Variants in KAZN observed in about 807,000 individuals in gnomAD.
KAZN encodes kazrin, periplakin interacting protein.
In KAZN, 40 loss-of-function variants were observed where a neutral mutation model predicts 87.4. That is an observed-to-expected ratio of 0.46 (90% CI 0.36 to 0.60). The LOEUF (loss-of-function observed/expected upper bound fraction) is 0.60. Among genes scored for constraint, KAZN ranks in the 20% least tolerant of loss-of-function variants. The probability of loss-of-function intolerance (pLI) is 0.00; values close to 1 mark genes in which losing one functional copy is unlikely to be tolerated. For missense variants in KAZN, 898 were observed against 1,073.9 expected (o/e 0.84, Z 2.29); for synonymous variants, 466 against 458.3 (o/e 1.02, Z -0.22).
intron 2 of KAZN, among the ~76,000 whole-genome samples, chr1:14,452,748 T>C (rs966114145): frequency 2.6e-5 from 4 of 152,136 alleles, no homozygotes; most frequent in Admixed American, 2.6e-4. Flanking sequence ...TGACCGCATT[T>C]TATGAGGAAA....
chr1:13,960,753 T>A (rs1412787608), intron 1 of KAZN, among the ~76,000 whole-genome samples: 1 of 152,164 alleles, frequency 6.6e-6, no homozygotes, highest in Non-Finnish European at 1.5e-5. Context: ...CAGGGCTTGG[T>A]CAGTGGCTGG....
intron 1 of KAZN, among the ~76,000 whole-genome samples, chr1:14,141,858 T>G (rs561743667): frequency 6.6e-6 from 1 of 152,322 alleles, no homozygotes; most frequent in Non-Finnish European, 1.5e-5. Context: ...TACTGCATGT[T>G]CCAATGTCTC....
rs775828163 is a variant in KAZN at position 14,769,707 on chromosome 1, C to T, written c.226+170484C>T. On this transcript the variant is annotated intron_variant, in intron 1 of 14. Transcript: ENST00000376030. The surrounding 1 kb of genome is among the most constrained non-coding windows in gnomAD (Gnocchi z 4.1). ...CTCTTGATTAGTGTCTAAGTGATTG[C>T]GGGAAATTAACACTGGTCCTTCATT... 4.6e-5 allele frequency among the ~76,000 whole-genome samples: 7 copies of T among 152,174 alleles called. No homozygotes were observed. The highest frequency in any genetic ancestry group is 7.3e-5 in the Non-Finnish European group (5 of 68,048).
intron 2 of KAZN, among the ~76,000 whole-genome samples, chr1:14,415,559 C>T (rs1390948028): frequency 2.6e-5 from 4 of 152,176 alleles, no homozygotes; most frequent in Non-Finnish European, 4.4e-5. Flanking sequence ...GTGCTGCCCC[C>T]AGGTGGTAGA....
chr1:14,461,579 T>C (rs1667854000), intron 2 of KAZN, among the ~76,000 whole-genome samples: 2 of 152,170 alleles, frequency 1.3e-5, no homozygotes, highest in South Asian at 4.1e-4. Flanking sequence ...GAAAACGGAC[T>C]AATACAGAGG....
intron 1 of KAZN, among the ~76,000 whole-genome samples, chr1:13,910,631 G>A (rs983264239): frequency 4.6e-5 from 7 of 152,110 alleles, no homozygotes; most frequent in East Asian, 3.9e-4. Context: ...GAAGCAGAGC[G>A]GATGCTAGCA....
At chr1:14,693,805 G>A (rs917712510) in intron 1 of KAZN, among the ~76,000 whole-genome samples, 2 of 152,198 alleles carry the variant, frequency 1.3e-5, no homozygotes, top group African/African-American at 2.4e-5. Flanking sequence ...TCAAGGTTCA[G>A]CATGTTAAGT....
At chr1:13,921,238 T>C (rs1557721446) in intron 1 of KAZN, among the ~76,000 whole-genome samples, 1 of 152,208 alleles carries the variant, frequency 6.6e-6, no homozygotes, top group Non-Finnish European at 1.5e-5. Context: ...TCATGGCCAA[T>C]TTGAGAATAG....
In KAZN at chr1:14,545,768, C is replaced by T. The variant is rs149793057; in HGVS notation, c.250-53215C>T. 6.6e-3 allele frequency among the ~76,000 whole-genome samples: 998 copies of T among 152,308 alleles called. 21 individuals carry two copies. The East Asian group carries it at 0.078, about 12-fold the overall frequency. On this transcript the variant is annotated intron_variant, in intron 2 of 16. Coordinates refer to the KAZN transcript ENST00000636203. ...CACTCAGGAAACTCAGATAAAGGAG[C>T]ATCCACCTATAAGTCAAGTCAGAGG...
chr1:14,160,072 G>A (rs958851985), intron 1 of KAZN, among the ~76,000 whole-genome samples: 21 of 152,314 alleles, frequency 1.4e-4, no homozygotes, highest in African/African-American at 2.4e-5. Flanking sequence ...GATGATGCCT[G>A]CACTCTTTTA....
At chr1:14,248,963 G>A (rs950638715) in intron 2 of KAZN, among the ~76,000 whole-genome samples, 3 of 152,204 alleles carry the variant, frequency 2.0e-5, no homozygotes, top group East Asian at 1.9e-4. Context: ...AAGGCCATGC[G>A]TAGGTGCTCT....
At chr1:14,524,087 G>T (rs1012358069) in intron 2 of KAZN, among the ~76,000 whole-genome samples, 23 of 152,062 alleles carry the variant, frequency 1.5e-4, no homozygotes, top group African/African-American at 5.5e-4. Context: ...AGTGGTGTGA[G>T]CTCGGCTCAC....
intron 1 of KAZN, among the ~76,000 whole-genome samples, chr1:14,166,467 A>G (rs1253280284): frequency 2.6e-5 from 4 of 152,214 alleles, no homozygotes; most frequent in Non-Finnish European, 4.4e-5. Flanking sequence ...TTTCTCATCT[A>G]TGAAATGCGG....
chr1:14,018,667 T>C (rs79040478), intron 1 of KAZN, among the ~76,000 whole-genome samples: 3,366 of 152,242 alleles, frequency 0.022, 117 homozygotes, highest in African/African-American at 0.076. Context: ...ACTGGGGGCC[T>C]GGATAGAACA....
chr1:14,045,744 A>G (rs191435289), intron 1 of KAZN, among the ~76,000 whole-genome samples: 2 of 152,304 alleles, frequency 1.3e-5, no homozygotes, highest in African/African-American at 4.8e-5. Context: ...TCATCTGTAA[A>G]ATGGGATTAA....
chr1:14,674,208 CT>C (rs888246340), intron 1 of KAZN, among the ~76,000 whole-genome samples: 7 of 152,260 alleles, frequency 4.6e-5, no homozygotes, highest in Non-Finnish European at 1.0e-4. Context: ...CAGCAGATCT[CT>C]TTTTTTGTAT....
chr1:14,606,867 A>C (rs1677407980), intron 1 of KAZN, among the ~76,000 whole-genome samples: 2 of 152,146 alleles, frequency 1.3e-5, no homozygotes, highest in Non-Finnish European at 2.9e-5. Flanking sequence ...ACAACTAAAA[A>C]TGTCTCCAGA....
At chr1:14,012,086 A>C (rs1268714673) in intron 1 of KAZN, among the ~76,000 whole-genome samples, 1 of 152,190 alleles carries the variant, frequency 6.6e-6, no homozygotes, top group Non-Finnish European at 1.5e-5. Context: ...CTCTTGCCAG[A>C]TGTTCATGTA....
chr1:14,498,596 G>A (rs1670076815), intron 2 of KAZN, among the ~76,000 whole-genome samples: 1 of 152,162 alleles, frequency 6.6e-6, no homozygotes, highest in Non-Finnish European at 1.5e-5. Context: ...GTGGGCTGAG[G>A]CAGGAGAGTC....
Sources: gnomAD v4.1 joint callset for allele counts (sites outside exome capture counted in the v4.1 genomes callset) on GRCh38, gnomAD v4.1.1 for gene constraint, Gnocchi (gnomAD v3.1) non-coding constraint, MANE v1.5 for transcripts, NCBI Gene and HGNC (gene_info 2026-07-23, HGNC 2026-07-21) for gene names.